LPAR1: variants seen among roughly 807,000 people sequenced by gnomAD.
LPAR1 encodes the protein lysophosphatidic acid receptor 1.
In LPAR1, 5 loss-of-function variants were observed where a neutral mutation model predicts 23.8. The observed-to-expected ratio is 0.21, with a 90% confidence interval of 0.11 to 0.44. LPAR1 has a LOEUF of 0.44. Ranked by LOEUF, LPAR1 falls within the 20% of genes least tolerant of loss-of-function variation. The probability of loss-of-function intolerance (pLI) is 0.99; values close to 1 mark genes in which losing one functional copy is unlikely to be tolerated. For missense variants in LPAR1, 311 were observed against 482.8 expected (o/e 0.64, Z 3.33); for synonymous variants, 160 against 164.7 (o/e 0.97, Z 0.22).
chr9:110,907,425 A>ATTCTTATTCTTAT (rs2091511951), intron 5 of LPAR1, among the ~76,000 whole-genome samples: 1 of 152,196 alleles, frequency 6.6e-6, no homozygotes, highest in Non-Finnish European at 1.5e-5. Context: ...ATAAACTATA[A>ATTCTTATTCTTAT]GAATAAAGAC....
chr9:110,971,895 G>A (rs2096435058), intron 4 of LPAR1, among the ~76,000 whole-genome samples, 178 bp downstream of exon 4: 1 of 152,132 alleles, frequency 6.6e-6, no homozygotes, highest in Admixed American at 6.6e-5. Context: ...CATTGTTCCA[G>A]CTGCTTCCTG....
At chr9:110,985,031 A>G (rs557641574) in intron 2 of LPAR1, among the ~76,000 whole-genome samples, 1 of 152,218 alleles carries the variant, frequency 6.6e-6, no homozygotes, top group African/African-American at 2.4e-5. Flanking sequence ...TAAACTTTTT[A>G]TCTGGGTTAC....
At chr9:110,900,012 T>G (rs981769094) in intron 5 of LPAR1, among the ~76,000 whole-genome samples, 1 of 152,106 alleles carries the variant, frequency 6.6e-6, no homozygotes, top group African/African-American at 2.4e-5. Context: ...AAAAGTTATA[T>G]GAGACAAATA....
chr9:110,984,889 T>A (rs1033831727), intron 2 of LPAR1, among the ~76,000 whole-genome samples: 15 of 151,798 alleles, frequency 9.9e-5, no homozygotes, highest in Admixed American at 7.9e-4. Flanking sequence ...AAGGAGAACA[T>A]TCTTCACCTT....
intron 2 of LPAR1, among the ~76,000 whole-genome samples, chr9:110,974,067 G>A (rs910080440): frequency 2.0e-5 from 3 of 151,878 alleles, no homozygotes; most frequent in African/African-American, 4.8e-5. Context: ...GCTGAGGCAG[G>A]AGAATCACTA....
intron 5 of LPAR1, among the ~76,000 whole-genome samples, chr9:110,884,789 G>A (rs1004844211): frequency 6.6e-6 from 1 of 152,110 alleles, no homozygotes; most frequent in African/African-American, 2.4e-5. Flanking sequence ...ATTACTTTGA[G>A]TAATTTTCTT....
chr9:110,981,927 C>A (rs879272295), intron 2 of LPAR1, among the ~76,000 whole-genome samples: 20 of 152,232 alleles, frequency 1.3e-4, no homozygotes, highest in Middle Eastern at 3.4e-3. Context: ...CAATGAGATA[C>A]CATCTCACAT....
intron 2 of LPAR1, among the ~76,000 whole-genome samples, chr9:111,005,429 T>C (rs2097197755): frequency 6.6e-6 from 1 of 150,786 alleles, no homozygotes; most frequent in Non-Finnish European, 1.5e-5. Flanking sequence ...GACTGTGTAG[T>C]CCCAGCTACT....
intron 2 of LPAR1, among the ~76,000 whole-genome samples, chr9:110,999,110 G>A (rs772826551): frequency 1.2e-4 from 19 of 152,042 alleles, no homozygotes; most frequent in African/African-American, 2.7e-4. Context: ...AATATATCCC[G>A]CACATGGTCA....
At chr9:110,906,856 T>C (rs534866951) in intron 5 of LPAR1, among the ~76,000 whole-genome samples, 25 of 152,202 alleles carry the variant, frequency 1.6e-4, no homozygotes, top group African/African-American at 5.5e-4. Context: ...TGGAGTGACA[T>C]TGGATATATA....
intron 2 of LPAR1, among the ~76,000 whole-genome samples, chr9:111,029,100 A>T (rs139294751): frequency 6.6e-6 from 1 of 152,256 alleles, no homozygotes; most frequent in Non-Finnish European, 1.5e-5. Context: ...AAAATAACCT[A>T]AAGAATTGAA....
chr9:111,007,915 T>C (rs2097253222), intron 2 of LPAR1, among the ~76,000 whole-genome samples: 1 of 152,198 alleles, frequency 6.6e-6, no homozygotes, highest in African/African-American at 2.4e-5. Flanking sequence ...GGCTCACACC[T>C]GTAATCCCAG....
intron 5 of LPAR1, among the ~76,000 whole-genome samples, chr9:110,883,097 T>C (rs1427479891): frequency 6.6e-6 from 1 of 152,192 alleles, no homozygotes; most frequent in African/African-American, 2.4e-5. Flanking sequence ...TGGAGTGCAG[T>C]GGCATGATCT....
intron 2 of LPAR1, among the ~76,000 whole-genome samples, chr9:111,003,932 C>T (rs369550708): frequency 6.6e-6 from 1 of 152,106 alleles, no homozygotes; most frequent in East Asian, 1.9e-4. Flanking sequence ...TGTCTTGGAC[C>T]ACTATTCCAA....
chr9:110,982,621 A>G (rs2096694181), intron 2 of LPAR1, among the ~76,000 whole-genome samples: 1 of 152,086 alleles, frequency 6.6e-6, no homozygotes, highest in South Asian at 2.1e-4. Context: ...AACTTAAAGT[A>G]TAATAATAAA....
intron 5 of LPAR1, among the ~76,000 whole-genome samples, chr9:110,896,763 G>A: frequency 6.7e-6 from 1 of 150,170 alleles, no homozygotes; most frequent in South Asian, 2.1e-4. Flanking sequence ...ACTTGTATTT[G>A]AATATGCAAC....
chr9:110,945,339 G>A (rs1425868680), intron 4 of LPAR1: 1 of 152,092 alleles, frequency 6.6e-6, no homozygotes, highest in Non-Finnish European at 1.5e-5. Flanking sequence ...GGAACATAAT[G>A]GGGAAAAATG....
rs2132168384 is a variant in LPAR1 at position 110,874,596 on chromosome 9, A to C, written c.*825T>G. ...TCTGATATACTGGTAATTAGAATGT[A>C]CTTGGGTATTTTAAATATATGGGAA... On this transcript the variant is annotated 3_prime_UTR_variant, in exon 6 of 6. Transcript: ENST00000683809. The C allele has an allele frequency of 6.5e-6, 1 of 152,748 alleles. No individual in the cohort carries two copies. Among genetic ancestry groups the C allele is most frequent in the South Asian group, 2.1e-4 (1 of 4,828 alleles). 9.5% of individuals were successfully genotyped at this position (152,748 alleles called of 1,614,324 possible).
intron 2 of LPAR1, among the ~76,000 whole-genome samples, chr9:111,027,885 C>CAAAA (rs10594862): frequency 8.8e-5 from 5 of 56,664 alleles, no homozygotes; most frequent in Non-Finnish European, 9.3e-5. Flanking sequence ...CACAAGTCCT[C>CAAAA]AAAAAAAAAA....
Sources: allele counts gnomAD v4.1 joint callset (sites outside exome capture counted in the v4.1 genomes callset), GRCh38; gene constraint gnomAD v4.1.1; transcripts MANE v1.5; gene names NCBI Gene and HGNC (gene_info 2026-07-23, HGNC 2026-07-21).